CCDC57: variants seen among roughly 807,000 people sequenced by gnomAD.
CCDC57 encodes coiled-coil domain containing 57, also known as coiled-coil domain-containing protein 57.
CCDC57 carries 118 observed loss-of-function variants against 118.9 expected under a neutral mutation model. That is an observed-to-expected ratio of 0.99 (90% CI 0.86 to 1.16). The LOEUF (loss-of-function observed/expected upper bound fraction) is 1.16. CCDC57 is among the 50% of genes most tolerant of loss of function. CCDC57 has a pLI of 0.00. For synonymous variants in CCDC57, 527 were observed against 532.9 expected (o/e 0.99, Z 0.15); for missense variants, 1,300 against 1,320.7 (o/e 0.98, Z 0.24).
intron 7 of CCDC57, 109 bp downstream of exon 6, chr17:82,193,647 C>A: frequency 1.1e-6 from 1 of 892,482 alleles, no homozygotes; most frequent in Non-Finnish European, 1.8e-6. Flanking sequence ...CAGGTCCGAT[C>A]CCTGGAGTGG....
chr17:82,152,283 C>T (rs3922470), intron 15 of CCDC57: 38,300 of 158,192 alleles, frequency 0.24, 5,458 homozygotes, highest in Non-Finnish European at 0.32. Flanking sequence ...TGGCTTGGCC[C>T]TCCTCCACTC....
rs779805923 is a variant in CCDC57 at position 82,183,758 on chromosome 17, G to A, written c.1211+16C>T. 113 of 1,550,826 alleles carry A rather than the reference G, an allele frequency of 7.3e-5. No individual in the cohort carries two copies. Among genetic ancestry groups the A allele is most frequent in the Non-Finnish European group, 9.9e-5 (113 of 1,146,428 alleles). ...TAGGAGACCCTCAATGGAAACATCT[G>A]CCTGGGGACAGTTACCTTTCAATGT... On this transcript the variant is annotated intron_variant, in intron 9 of 19. Coordinates refer to ENST00000665763, the Ensembl canonical transcript of CCDC57.
exon 5 of CCDC57, chr17:82,195,320 G>C (rs373945565): frequency 6.2e-7 from 1 of 1,602,168 alleles, no homozygotes; most frequent in Non-Finnish European, 8.5e-7. Flanking sequence ...GACGGAATTC[G>C]TGCTCCCTCT....
At chr17:82,144,243 G>C (rs1437034572) in intron 16 of CCDC57, among the ~76,000 whole-genome samples, 1 of 152,038 alleles carries the variant, frequency 6.6e-6, no homozygotes, top group African/African-American at 2.4e-5. Flanking sequence ...CCAAGAAATA[G>C]AGACTATAGT....
At chr17:82,193,888 T>C (rs1430835734) in intron 6 of CCDC57, 58 bp from the exon 6 acceptor site, 6 of 1,568,618 alleles carry the variant, frequency 3.8e-6, no homozygotes, top group African/African-American at 1.4e-5. Context: ...AAGACCAGCC[T>C]GGAATGAGCA....
In CCDC57 at chr17:82,192,137, C is replaced by T. The variant is rs2047748361; in HGVS notation, c.851+1619G>A. On this transcript the variant is annotated intron_variant, in intron 7 of 19. Coordinates refer to ENST00000665763, the Ensembl canonical transcript of CCDC57. The surrounding 1 kb of genome is among the most constrained non-coding windows in gnomAD (Gnocchi z 4.0). ...AGTAGCTGGGATTACAGGCGTGCAC[C>T]ACCACGCCCGGCTAATTTTGTATTT... Among the ~76,000 whole-genome samples, 1 of 152,070 alleles carries T rather than the reference C, an allele frequency of 6.6e-6. No homozygotes were observed. The highest frequency in any genetic ancestry group is 1.5e-5 in the Non-Finnish European group (1 of 68,018).
chr17:82,197,144 C>A (rs549383760), intron 4 of CCDC57, among the ~76,000 whole-genome samples: 2 of 148,840 alleles, frequency 1.3e-5, no homozygotes, highest in Non-Finnish European at 3.0e-5. Context: ...AGAGACACAG[C>A]CCCTCGTGAC....
At chr17:82,185,490 G>A (rs866241709) in intron 8 of CCDC57, among the ~76,000 whole-genome samples, 3 of 149,804 alleles carry the variant, frequency 2.0e-5, no homozygotes, top group African/African-American at 7.4e-5. Flanking sequence ...GTGGTGGCAC[G>A]CACCTGTAGT....
intron 11 of CCDC57, among the ~76,000 whole-genome samples, chr17:82,177,990 G>A (rs1173321087): frequency 6.6e-6 from 1 of 152,200 alleles, no homozygotes; most frequent in Non-Finnish European, 1.5e-5. Flanking sequence ...AGCTGTGACA[G>A]CTCAGACAAG....
intron 16 of CCDC57, among the ~76,000 whole-genome samples, chr17:82,139,884 C>T (rs911637469): frequency 6.6e-5 from 10 of 152,182 alleles, no homozygotes; most frequent in Admixed American, 2.6e-4. Flanking sequence ...GGAACAAGAA[C>T]GGACCTCACA....
intron 19 of CCDC57, among the ~76,000 whole-genome samples, chr17:82,103,161 G>A (rs2034583945): frequency 6.6e-6 from 1 of 152,248 alleles, no homozygotes; most frequent in African/African-American, 2.4e-5. Flanking sequence ...GGGCTGCGCA[G>A]TGCCCATGGG....
intron 9 of CCDC57, among the ~76,000 whole-genome samples, chr17:82,181,607 T>C (rs545614720): frequency 1.3e-5 from 2 of 152,140 alleles, no homozygotes; most frequent in South Asian, 4.2e-4. Context: ...AGTAGAAAAA[T>C]CAGCCCATAG....
At chr17:82,101,687 C>G (rs772960366) in exon 20 of CCDC57, 3 of 1,604,638 alleles carry the variant, frequency 1.9e-6, no homozygotes, top group East Asian at 2.2e-5. Flanking sequence ...GGAAGTCAGT[C>G]CATAATGTTG....
At chr17:82,141,204 GAC>G (rs2039967026) in intron 16 of CCDC57, among the ~76,000 whole-genome samples, 1 of 139,642 alleles carries the variant, frequency 7.2e-6, no homozygotes, top group Non-Finnish European at 1.5e-5. Context: ...TTTTTTGTGA[GAC>G]AGAGTCTTGC....
exon 4 of CCDC57, chr17:82,198,366 G>A: frequency 1.2e-6 from 2 of 1,613,632 alleles, no homozygotes; most frequent in East Asian, 2.2e-5. Flanking sequence ...TCTCTCCAGT[G>A]TCCATTTTAG....
intron 14 of CCDC57, among the ~76,000 whole-genome samples, chr17:82,159,353 G>A (rs1311229798): frequency 6.6e-6 from 1 of 152,180 alleles, no homozygotes; most frequent in African/African-American, 2.4e-5. Flanking sequence ...GCGGGAAATG[G>A]GGGAAACAGC....
chr17:82,183,967 C>G, intron 8 of CCDC57, 35 bp from the exon 8 acceptor site: 1 of 1,585,042 alleles, frequency 6.3e-7, no homozygotes, highest in Non-Finnish European at 8.6e-7. Flanking sequence ...AGATGTGGTT[C>G]TCACTCACTA....
chr17:82,184,023 G>GCACA (rs1321084849), intron 8 of CCDC57, 91 bp from the exon 8 acceptor site: 13 of 384,020 alleles, frequency 3.4e-5, no homozygotes, highest in Admixed American at 1.5e-4. Context: ...ACATGCGCGC[G>GCACA]CGCGCGCGCA....
At chr17:82,177,154 C>T (rs898392220) in intron 11 of CCDC57, among the ~76,000 whole-genome samples, 3 of 151,854 alleles carry the variant, frequency 2.0e-5, no homozygotes, top group Admixed American at 2.0e-4. Context: ...CTTAGGCAGG[C>T]GAATCACCTG....
Sources: allele counts gnomAD v4.1 joint callset (sites outside exome capture counted in the v4.1 genomes callset), GRCh38; gene constraint gnomAD v4.1.1; non-coding constraint Gnocchi (gnomAD v3.1); transcripts MANE v1.5; gene names NCBI Gene and HGNC (gene_info 2026-07-23, HGNC 2026-07-21).